Variants in ABCG1 observed in about 807,000 individuals in gnomAD.
The protein encoded by ABCG1 is ATP binding cassette subfamily G member 1, also known as ATP-binding cassette sub-family G member 1.
A neutral mutation model predicts 69.2 loss-of-function variants in ABCG1; 29 were observed. The observed-to-expected ratio is 0.42, with a 90% CI of 0.31 to 0.57. The LOEUF is 0.57. Among genes scored for constraint, ABCG1 ranks in the 20% least tolerant of loss-of-function variants. The pLI is 0.15. For synonymous variants in ABCG1, 370 were observed against 374.8 expected (o/e 0.99, Z 0.15); for missense variants, 718 against 898.1 (o/e 0.80, Z 2.56).
At chr21:42,263,082 T>C (rs986615495) in intron 2 of ABCG1, among the ~76,000 whole-genome samples, 9 of 152,242 alleles carry the variant, frequency 5.9e-5, no homozygotes, top group Non-Finnish European at 4.4e-5. Flanking sequence ...CTCGGTTCTC[T>C]TTGCAAAGCA....
chr21:42,265,574 G>T (rs1373589050), intron 2 of ABCG1, among the ~76,000 whole-genome samples: 4 of 152,130 alleles, frequency 2.6e-5, no homozygotes, highest in Admixed American at 1.3e-4. Context: ...AGACAGGGGA[G>T]GTCCTCCCCT....
rs77682736 is a variant in ABCG1, at chr21:42,264,442, A to C, written c.287-6628A>C. On this transcript the variant is annotated intron_variant, in intron 2 of 14. Coordinates refer to ENST00000398449, the MANE Select transcript of ABCG1 (RefSeq NM_016818.3). ...CCATCTGTCCATCCATCCATCCGTC[A>C]ATCTATCCATCCATTCATTCATCTA... 3.0e-4 allele frequency among the ~76,000 whole-genome samples: 45 copies of C among 151,656 alleles called. 3 individuals carry two copies. The East Asian group carries it at 8.5e-3, about 29-fold the overall frequency.
In ABCG1 at chr21:42,287,926, C is replaced by A; in HGVS notation, c.1011C>A (p.Asn337Lys). 1 of 1,610,838 alleles carries A rather than the reference C, an allele frequency of 6.2e-7. No individual in the cohort carries two copies. The stretch of plus-strand genomic sequence containing the variant: ...CATCCGGCGAGTACGGTGATCAGAA[C>A]AGTCGGCTGGTGAGAGCGGTTCGGG... ...EVASGEYGDQ[N>K]SRLVRAVREG... Residue 337 changes from asparagine to lysine, a missense_variant, in exon 9 of 15, where the codon AAC (asparagine) becomes AAA (lysine). Transcript: ENST00000398449. The surrounding 1 kb of genome is among the most constrained non-coding windows in gnomAD (Gnocchi z 6.2).
intron 2 of ABCG1, among the ~76,000 whole-genome samples, chr21:42,247,762 G>C (rs909735010): frequency 6.6e-6 from 1 of 152,226 alleles, no homozygotes; most frequent in African/African-American, 2.4e-5. Flanking sequence ...GATCTTACAA[G>C]AGAAGAAGAG....
At chr21:42,232,069 C>T (rs1018398108) in intron 2 of ABCG1, among the ~76,000 whole-genome samples, 1 of 152,206 alleles carries the variant, frequency 6.6e-6, no homozygotes, top group Non-Finnish European at 1.5e-5. Flanking sequence ...GGCTACCACT[C>T]AGGCCCTGAG....
Position 42,276,713 on chromosome 21 carries a change from T to A in ABCG1, c.538-182T>A, listed in dbSNP as rs1338437000. On this transcript the variant is annotated intron_variant, in intron 4 of 14. Coordinates refer to ENST00000398449, the MANE Select transcript of ABCG1 (RefSeq NM_016818.3). This position sits in a 1 kb window ranked among gnomAD's most constrained non-coding sequence, Gnocchi z 5.3. ...GCACCGTGACTAGTGGCACCGTGGCTAGCTGCACCGTGGCTAGCGGCATTG... is the reference window on the plus strand; with the variant it reads ...GCACCGTGACTAGTGGCACCGTGGCAAGCTGCACCGTGGCTAGCGGCATTG... The A allele has an allele frequency of 3.2e-6, 2 of 631,622 alleles. No homozygotes were observed. Among genetic ancestry groups the A allele is most frequent in the Non-Finnish European group, 5.6e-6 (2 of 358,046 alleles). The allele number at this position is 631,622 out of a possible 1,614,324, so 39.1% of individuals were successfully genotyped here. A position where few individuals can be genotyped will look rare whatever the true frequency, so the allele number is the denominator to read the frequency against.
At chr21:42,275,757 C>T (rs902023706) in intron 4 of ABCG1, among the ~76,000 whole-genome samples, 5 of 152,238 alleles carry the variant, frequency 3.3e-5, no homozygotes, top group African/African-American at 7.2e-5. Flanking sequence ...TTTCATGAGG[C>T]CCTGGAGAAA....
At chr21:42,249,022 A>G (rs2123637743) in intron 2 of ABCG1, among the ~76,000 whole-genome samples, 1 of 152,334 alleles carries the variant, frequency 6.6e-6, no homozygotes, top group Admixed American at 6.5e-5. Context: ...GATCTCATGG[A>G]CAAGATAATG....
intron 1 of ABCG1, among the ~76,000 whole-genome samples, chr21:42,224,788 C>T (rs2067787822): frequency 6.6e-6 from 1 of 152,106 alleles, no homozygotes; most frequent in Non-Finnish European, 1.5e-5. Context: ...TCACGGTTGC[C>T]AGGCCATTGA....
chr21:42,260,310 C>T (rs225382), intron 2 of ABCG1, among the ~76,000 whole-genome samples: 19 of 152,274 alleles, frequency 1.2e-4, no homozygotes, highest in African/African-American at 4.6e-4. Context: ...GGGCTCCTCT[C>T]GAGGGGGCCT....
intron 5 of ABCG1, 101 bp from the exon 6 acceptor site, chr21:42,282,173 C>T: frequency 2.0e-6 from 3 of 1,510,574 alleles, no homozygotes; most frequent in Non-Finnish European, 2.7e-6. Flanking sequence ...CACGGTGTGT[C>T]CAGCAGGCTG....
intron 6 of ABCG1, among the ~76,000 whole-genome samples, chr21:42,283,665 A>C (rs569948158): frequency 7.5e-6 from 1 of 133,096 alleles, no homozygotes; most frequent in South Asian, 2.6e-4. Flanking sequence ...CCCCCACCCA[A>C]ATGAGTGGGG....
chr21:42,225,633 CT>C, intron 1 of ABCG1, 37 bp from the exon 2 acceptor site: 1 of 1,606,854 alleles, frequency 6.2e-7, no homozygotes. Context: ...CTTGATGCAG[CT>C]TATAACAGGT....
intron 2 of ABCG1, chr21:42,259,221 A>T: frequency 4.9e-6 from 7 of 1,439,224 alleles, no homozygotes; most frequent in Non-Finnish European, 6.4e-6. Context: ...TGCTGGGCTC[A>T]GCTCCAAAGT....
At chr21:42,212,776 C>G (rs972050306), upstream of ABCG1, among the ~76,000 whole-genome samples, 1 of 150,610 alleles carries the variant, frequency 6.6e-6, no homozygotes, top group African/African-American at 2.5e-5. Context: ...TCACTGCAAG[C>G]TCCGCTTCCC....
intron 2 of ABCG1, among the ~76,000 whole-genome samples, chr21:42,254,053 G>A (rs1004942836): frequency 6.6e-6 from 1 of 152,166 alleles, no homozygotes; most frequent in African/African-American, 2.4e-5. Flanking sequence ...CCCATGAGAT[G>A]AGGAGGCTGG....
intron 7 of ABCG1, 24 bp downstream of exon 7, chr21:42,284,707 C>T (rs367545565): frequency 5.3e-5 from 85 of 1,609,182 alleles, no homozygotes; most frequent in Non-Finnish European, 6.4e-5. Flanking sequence ...GGGCCCTCCC[C>T]GCCAGATTAC....
At chr21:42,282,544 G>T (rs948080399) in intron 6 of ABCG1, 125 bp downstream of exon 6, 3 of 1,166,518 alleles carry the variant, frequency 2.6e-6, no homozygotes, top group Non-Finnish European at 3.5e-6. Flanking sequence ...TCACCCGGCG[G>T]TTCCTCCTTC....
rs1055275865 is a variant in ABCG1 at position 42,219,240 on chromosome 21, G to T, written c.-23G>T. 2.0e-6 allele frequency: 3 copies of T among 1,523,688 alleles called. No homozygotes were observed. The allele number at this position is 1,523,688 out of a possible 1,614,324, so 94.4% of individuals were successfully genotyped here. ...CCTCGTCCCCGCCGCCGCCGCCGCC[G>T]CCGCCGCCGCCGCCCCCGGGGCATG... On this transcript the variant is annotated 5_prime_UTR_variant, in exon 1 of 15. Transcript: ENST00000398449. This position sits in a 1 kb window ranked among gnomAD's most constrained non-coding sequence, Gnocchi z 5.3.
Sources: allele counts gnomAD v4.1 joint callset (sites outside exome capture counted in the v4.1 genomes callset), GRCh38; gene constraint gnomAD v4.1.1; non-coding constraint Gnocchi (gnomAD v3.1); transcripts MANE v1.5; gene names NCBI Gene and HGNC (gene_info 2026-07-23, HGNC 2026-07-21).